C3orf52: variants seen among roughly 807,000 people sequenced by gnomAD.
The protein encoded by C3orf52 is TPA-induced transmembrane protein.
In C3orf52, 22 loss-of-function variants were observed where a neutral mutation model predicts 24.8. The observed-to-expected ratio is 0.89, with a 90% CI of 0.63 to 1.27. C3orf52 has a LOEUF of 1.27. Ranked by LOEUF, C3orf52 falls within the 50% of genes most tolerant of loss-of-function variation. The pLI is 0.00. For missense variants in C3orf52, 265 were observed against 260.7 expected (o/e 1.02, Z -0.11); for synonymous variants, 93 against 100.2 (o/e 0.93, Z 0.43).
chr3:112,105,018 C>G (rs569023694), intron 3 of C3orf52, among the ~76,000 whole-genome samples: 1 of 152,272 alleles, frequency 6.6e-6, no homozygotes, highest in East Asian at 1.9e-4. Context: ...CTGTCTATTT[C>G]AAAGGTAAAT....
intron 4 of C3orf52, chr3:112,109,978 A>G (rs1466685145): frequency 3.0e-5 from 6 of 202,146 alleles, no homozygotes; most frequent in Non-Finnish European, 3.0e-5. Flanking sequence ...ATGTATAGGC[A>G]TTTGCTTTTG....
chr3:112,126,481 GTTC>G (rs1299421962), intron 4 of C3orf52, among the ~76,000 whole-genome samples: 6 of 152,134 alleles, frequency 3.9e-5, no homozygotes, highest in African/African-American at 7.2e-5. Flanking sequence ...CCTCGTAAGT[GTTC>G]TTCTGGTATC....
downstream of C3orf52, chr3:112,134,819 G>C (rs2074534023): frequency 6.5e-6 from 1 of 154,756 alleles, no homozygotes; most frequent in Non-Finnish European, 1.5e-5. Context: ...AAAAGGAGTG[G>C]ACTATTAATA....
At chr3:112,120,293 T>C (rs1417394095), downstream of C3orf52, among the ~76,000 whole-genome samples, 1 of 152,198 alleles carries the variant, frequency 6.6e-6, no homozygotes, top group Non-Finnish European at 1.5e-5. Flanking sequence ...CCTTGTGGAA[T>C]CCTGGAGACT....
At chr3:112,133,714 A>T (rs1049310456), downstream of C3orf52, 1 of 152,406 alleles carries the variant, frequency 6.6e-6, no homozygotes, top group Non-Finnish European at 1.5e-5. Context: ...TTACATACTT[A>T]TTACAATGGC....
At chr3:112,087,026 A>T (rs2073835713) in intron 1 of C3orf52, among the ~76,000 whole-genome samples, 1 of 151,592 alleles carries the variant, frequency 6.6e-6, no homozygotes. Context: ...GCCTTCTTCC[A>T]TGCCTACCAT....
At chr3:112,097,450 A>G (rs1347768176) in intron 2 of C3orf52, among the ~76,000 whole-genome samples, 1 of 152,166 alleles carries the variant, frequency 6.6e-6, no homozygotes, top group African/African-American at 2.4e-5. Flanking sequence ...TACACCTTTT[A>G]TGAGTAGGAA....
At chr3:112,128,593 C>T (rs2074383327) in exon 5 of C3orf52, 1 of 216,484 alleles carries the variant, frequency 4.6e-6, no homozygotes, top group Non-Finnish European at 9.4e-6. Context: ...GTCTATGACA[C>T]AACATCTGGC....
downstream of C3orf52, chr3:112,119,529 T>C (rs564397767): frequency 2.8e-4 from 198 of 702,988 alleles, 1 homozygote; most frequent in Middle Eastern, 1.1e-3. Context: ...AGATTTGCCT[T>C]CCTTTACACA....
intron 2 of C3orf52, among the ~76,000 whole-genome samples, chr3:112,101,147 TTACTCC>T (rs1284438484): frequency 6.6e-6 from 1 of 152,154 alleles, no homozygotes; most frequent in African/African-American, 2.4e-5. Context: ...GTCCCCAAGA[TTACTCC>T]TAGATTCAAC....
rs536648811 is a variant in C3orf52, at chr3:112,127,805, C to T, written c.*47-428C>T. Among the ~76,000 whole-genome samples the T allele has an allele frequency of 2.6e-5, 4 of 152,256 alleles. No individual in the cohort carries two copies. The South Asian group carries it at 8.3e-4, about 32-fold the overall frequency. ...GTTTCATCTTTGCTTCTGAGGCTTTCCTGTTTGAGGAGAGCATGCGACCCA... is the reference window on the plus strand; with the variant it reads ...GTTTCATCTTTGCTTCTGAGGCTTTTCTGTTTGAGGAGAGCATGCGACCCA... On this transcript the variant is annotated intron_variant, in intron 4 of 4. Transcript: ENST00000480282.
chr3:112,104,413 G>A (rs1350399328), intron 3 of C3orf52, among the ~76,000 whole-genome samples: 1 of 152,170 alleles, frequency 6.6e-6, no homozygotes, highest in East Asian at 1.9e-4. Context: ...TGGAGTGAGT[G>A]CTGTTTATCT....
Position 112,117,188 on chromosome 3 carries a change from T to C in C3orf52, c.*542T>C. The C allele has an allele frequency of 1.8e-6, 1 of 549,290 alleles. No individual in the cohort carries two copies. The highest frequency in any genetic ancestry group is 3.2e-6 in the Non-Finnish European group (1 of 310,552). 34.0% of individuals were successfully genotyped at this position (549,290 alleles called of 1,614,324 possible). On this transcript the variant is annotated 3_prime_UTR_variant, in exon 6 of 6. Coordinates refer to ENST00000264848, the MANE Select transcript of C3orf52 (RefSeq NM_024616.3). ...AGCCAATTATTCACTGAAGTCATCC[T>C]CCTCCCCCCCACCATTCGATTTGAT...
chr3:112,090,004 A>G (rs2073862902), intron 1 of C3orf52, among the ~76,000 whole-genome samples: 1 of 152,228 alleles, frequency 6.6e-6, no homozygotes, highest in African/African-American at 2.4e-5. Context: ...ACCTTGCAGA[A>G]GAATCTATGT....
chr3:112,089,193 T>C (rs1463269304), intron 1 of C3orf52, among the ~76,000 whole-genome samples: 1 of 152,188 alleles, frequency 6.6e-6, no homozygotes, highest in Non-Finnish European at 1.5e-5. Flanking sequence ...ATCATTTGAA[T>C]AATAACAAAC....
At position 112,086,486 on chromosome 3, in the gene C3orf52, C is replaced by T. The variant is rs1339105231; in HGVS notation, c.79C>T (p.Pro27Ser). ...CGAGCGGCAGCCAGAAGAGAACACGCCTCTCAATGGTGCCGACAAGGTCTT... is the reference window on the plus strand; with the variant it reads ...CGAGCGGCAGCCAGAAGAGAACACGTCTCTCAATGGTGCCGACAAGGTCTT... The part of the protein sequence containing the change: ...VLERQPEENT[P>S]LNGADKVFPS... Residue 27 changes from proline (P) to serine (S), a missense_variant, in exon 1 of 6, where the codon CCT becomes TCT. Transcript: ENST00000264848. The T allele has an allele frequency of 1.5e-5, 24 of 1,551,430 alleles. No individual in the cohort carries two copies. Among genetic ancestry groups the T allele is most frequent in the African/African-American group, 2.7e-5 (2 of 73,054 alleles).
chr3:112,130,078 A>G (rs1465706195), downstream of C3orf52: 1 of 205,958 alleles, frequency 4.9e-6, no homozygotes, highest in Non-Finnish European at 1.0e-5. Context: ...TGGTCACTTC[A>G]GAAATAGACA....
At chr3:112,136,304 C>A in the C3orf52 span, among the ~76,000 whole-genome samples, 1 of 152,174 alleles carries the variant, frequency 6.6e-6, no homozygotes, top group Non-Finnish European at 1.5e-5. Context: ...TTTTAGTAAT[C>A]TCTTTAGGGG....
chr3:112,116,877 C>A lies in C3orf52; in HGVS notation c.*231C>A. On this transcript the variant is annotated 3_prime_UTR_variant, in exon 6 of 6. Transcript: ENST00000264848. The stretch of plus-strand genomic sequence containing the variant: ...TCCAGTCTTGACAAAGGCAGGAAGC[C>A]AGCTAGGGTGGGGGCGATAGGGTCA... 1 of 1,537,346 alleles carries A rather than the reference C, an allele frequency of 6.5e-7. No homozygotes were observed. The highest frequency in any genetic ancestry group is 8.7e-7 in the Non-Finnish European group (1 of 1,146,900).
Sources: gnomAD v4.1 joint callset for allele counts (sites outside exome capture counted in the v4.1 genomes callset) on GRCh38, gnomAD v4.1.1 for gene constraint, MANE v1.5 for transcripts, NCBI Gene and HGNC (gene_info 2026-07-23, HGNC 2026-07-21) for gene names.